ARAP2: variants seen among roughly 807,000 people sequenced by gnomAD.
ARAP2 encodes ArfGAP with RhoGAP domain, ankyrin repeat and PH domain 2, also known as arf-GAP with Rho-GAP domain, ANK repeat and PH domain-containing protein 2.
In ARAP2, 148 loss-of-function variants were observed where a neutral mutation model predicts 194.5. The observed-to-expected ratio is 0.76, with a 90% confidence interval of 0.67 to 0.87. The LOEUF (loss-of-function observed/expected upper bound fraction) is 0.87. Among genes scored for constraint, ARAP2 ranks in the 40% least tolerant of loss-of-function variants. The pLI is 0.00. For synonymous variants in ARAP2, 695 were observed against 683.5 expected, an observed-to-expected ratio of 1.02 and a Z score of -0.26; for missense variants, 2,128 against 1,989.7, an observed-to-expected ratio of 1.07 and a Z score of -1.32.
chr4:36,055,694 G>A (rs989020354), intron 2 of ARAP2, among the ~76,000 whole-genome samples: 1 of 152,088 alleles, frequency 6.6e-6, no homozygotes, highest in Non-Finnish European at 1.5e-5. Context: ...CTCCCAAGGA[G>A]CTGGGATTAC....
intron 28 of ARAP2, among the ~76,000 whole-genome samples, chr4:36,091,269 C>A (rs184457694): frequency 6.6e-6 from 1 of 152,274 alleles, no homozygotes; most frequent in Admixed American, 6.5e-5. Context: ...CAGCTCTTCA[C>A]AGAGATGAGA....
intron 2 of ARAP2, among the ~76,000 whole-genome samples, chr4:36,215,770 G>A (rs1274544527): frequency 6.6e-6 from 1 of 151,952 alleles, no homozygotes; most frequent in African/African-American, 2.4e-5. Flanking sequence ...GACTGCTTGA[G>A]CCCAGGAGGC....
intron 16 of ARAP2, 98 bp downstream of exon 16, chr4:36,150,802 A>G (rs1730786346): frequency 1.5e-5 from 20 of 1,319,310 alleles, no homozygotes; most frequent in Non-Finnish European, 2.1e-5. Context: ...CTTCTATTAG[A>G]AGCAACTAAA....
At chr4:36,216,956 A>G (rs1748058320) in intron 2 of ARAP2, among the ~76,000 whole-genome samples, 1 of 152,210 alleles carries the variant, frequency 6.6e-6, no homozygotes, top group Non-Finnish European at 1.5e-5. Context: ...TACATGGTAT[A>G]GCCATTATAT....
intron 8 of ARAP2, among the ~76,000 whole-genome samples, chr4:36,186,547 T>A (rs1275486369): frequency 1.3e-5 from 2 of 152,212 alleles, no homozygotes; most frequent in African/African-American, 2.4e-5. Context: ...CATGGACTGG[T>A]ACCATTACAT....
chr4:36,165,142 G>C (rs115593344), intron 10 of ARAP2, 29 bp from the exon 11 acceptor site: 22,326 of 1,610,050 alleles, frequency 0.014, 206 homozygotes, highest in Non-Finnish European at 0.016. Flanking sequence ...CTGTGTTATC[G>C]ATCTCCCTTG....
intron 11 of ARAP2, among the ~76,000 whole-genome samples, chr4:36,164,167 C>T (rs1193430977): frequency 6.6e-6 from 1 of 151,976 alleles, no homozygotes; most frequent in South Asian, 2.1e-4. Flanking sequence ...GAGTTGAATT[C>T]TCTCTCTCTG....
intron 2 of ARAP2, among the ~76,000 whole-genome samples, chr4:36,219,198 T>C (rs1252725412): frequency 1.3e-5 from 2 of 152,216 alleles, no homozygotes; most frequent in Non-Finnish European, 2.9e-5. Flanking sequence ...ACATGTCCCA[T>C]GACACAGCAA....
chr4:36,103,895 A>T (rs2109445611), intron 27 of ARAP2, among the ~76,000 whole-genome samples: 1 of 152,024 alleles, frequency 6.6e-6, no homozygotes, highest in South Asian at 2.1e-4. Flanking sequence ...ATTTTAGCAA[A>T]TTTTTTATAT....
In ARAP2 at chr4:36,119,641, A is replaced by T. The variant is rs377655797; in HGVS notation, c.3963+9T>A. ...TTAATTATTTAGAGATCTAACTATT[A>T]CTACTCACTTGGGTGTCTTTCCACT... On this transcript the variant is annotated intron_variant, in intron 24 of 32. Coordinates refer to ENST00000303965, the MANE Select transcript of ARAP2 (RefSeq NM_015230.4). 3.8e-6 allele frequency: 6 copies of T among 1,573,232 alleles called. No individual in the cohort carries two copies. The highest frequency in any genetic ancestry group is 1.7e-4 in the Middle Eastern group (1 of 5,984).
intron 9 of ARAP2, among the ~76,000 whole-genome samples, chr4:36,175,070 A>T (rs944617235): frequency 1.3e-5 from 2 of 152,338 alleles, no homozygotes; most frequent in South Asian, 4.1e-4. Context: ...CTATTAAGTT[A>T]TGTGGGCAAT....
At chr4:36,169,626 G>A (rs1395055583) in intron 9 of ARAP2, among the ~76,000 whole-genome samples, 1 of 151,630 alleles carries the variant, frequency 6.6e-6, no homozygotes, top group Non-Finnish European at 1.5e-5. Flanking sequence ...GGCCCCCCCA[G>A]GTTCAAGAGA....
intron 5 of ARAP2, among the ~76,000 whole-genome samples, chr4:36,044,602 A>C (rs539398226): frequency 1.3e-3 from 195 of 152,200 alleles, no homozygotes; most frequent in Non-Finnish European, 2.1e-3. Flanking sequence ...AGAGGAAAAC[A>C]TAGCAGAAAA....
chr4:36,039,908 T>C (rs1720550373), intron 5 of ARAP2, among the ~76,000 whole-genome samples: 1 of 151,926 alleles, frequency 6.6e-6, no homozygotes, highest in South Asian at 2.1e-4. Context: ...TGCCAAGAGA[T>C]GAAGGCCCAG....
chr4:36,062,464 T>C (rs1272369313), downstream of ARAP2, among the ~76,000 whole-genome samples: 1 of 152,218 alleles, frequency 6.6e-6, no homozygotes, highest in East Asian at 1.9e-4. Flanking sequence ...AGCCTTCTAT[T>C]ACACCGTCTT....
At chr4:36,125,242 A>AT (rs1473182283) in intron 21 of ARAP2, among the ~76,000 whole-genome samples, 8 of 151,930 alleles carry the variant, frequency 5.3e-5, no homozygotes, top group Non-Finnish European at 1.2e-4. Flanking sequence ...GTGGGATTAT[A>AT]TTTTTTTATC....
At chr4:36,119,614 G>T (rs756291999) in intron 24 of ARAP2, 36 bp downstream of exon 24, 3 of 1,444,612 alleles carry the variant, frequency 2.1e-6, no homozygotes, top group Admixed American at 1.8e-5. Flanking sequence ...TTTTTGTTTT[G>T]TTTAATTATT....
intron 7 of ARAP2, among the ~76,000 whole-genome samples, chr4:36,192,932 G>A (rs914669579): frequency 3.9e-5 from 6 of 152,096 alleles, no homozygotes; most frequent in Admixed American, 2.6e-4. Context: ...GAAGGCAAAG[G>A]CTGCAGTGAG....
intron 5 of ARAP2, among the ~76,000 whole-genome samples, chr4:36,032,511 A>T (rs1460713578): frequency 6.6e-6 from 1 of 152,246 alleles, no homozygotes. Flanking sequence ...TACAAACTAC[A>T]AGCAAGAATA....
Sources: gnomAD v4.1 joint callset for allele counts (sites outside exome capture counted in the v4.1 genomes callset) on GRCh38, gnomAD v4.1.1 for gene constraint, MANE v1.5 for transcripts, NCBI Gene and HGNC (gene_info 2026-07-23, HGNC 2026-07-21) for gene names.